The following SLC4A4 variants were observed in gnomAD, a reference collection of about 807,000 sequenced individuals.
SLC4A4 encodes electrogenic sodium bicarbonate cotransporter 1.
Under a neutral mutation model 111.5 loss-of-function variants are expected in SLC4A4, and 27 were observed. The observed-to-expected ratio is 0.24, with a 90% CI of 0.18 to 0.33. The LOEUF is 0.33. Ranked by LOEUF, SLC4A4 falls within the 10% of genes least tolerant of loss-of-function variation. The pLI is 1.00. For synonymous variants in SLC4A4, 443 were observed against 463.4 expected (o/e 0.96, Z 0.57); for missense variants, 909 against 1,315.5 (o/e 0.69, Z 4.78).
intron 1 of SLC4A4, among the ~76,000 whole-genome samples, chr4:71,192,517 C>T (rs1483626057): frequency 6.6e-6 from 1 of 152,022 alleles, no homozygotes; most frequent in Admixed American, 6.5e-5. Context: ...TGAAAAGTGC[C>T]TGAAAACAGC....
At position 71,260,133 on chromosome 4, in the gene SLC4A4, G is replaced by A. The variant is rs886557496; in HGVS notation, c.253+4734G>A. On this transcript the variant is annotated intron_variant, in intron 3 of 25. Transcript: ENST00000264485. The stretch of plus-strand genomic sequence containing the variant: ...TGTGAGCCTGGGACAATGGATGCTG[G>A]TTGGTGATCCAGTTATATTCAGGAA... Among the ~76,000 whole-genome samples the A allele has an allele frequency of 1.1e-4, 17 of 152,302 alleles. 1 individual carries two copies. Among genetic ancestry groups the A allele is most frequent in the Admixed American group, 9.8e-4 (15 of 15,304 alleles).
At chr4:71,540,979 C>G (rs929779083) in intron 18 of SLC4A4, among the ~76,000 whole-genome samples, 1 of 152,080 alleles carries the variant, frequency 6.6e-6, no homozygotes, top group African/African-American at 2.4e-5. Flanking sequence ...GCATTATTGA[C>G]AGTTGGAAAT....
At chr4:71,274,117 G>A (rs1035189755) in intron 3 of SLC4A4, among the ~76,000 whole-genome samples, 1 of 152,106 alleles carries the variant, frequency 6.6e-6, no homozygotes, top group Non-Finnish European at 1.5e-5. Context: ...CATTTTATAT[G>A]TGTATTATAT....
intron 6 of SLC4A4, among the ~76,000 whole-genome samples, chr4:71,384,140 A>G (rs997365535): frequency 6.6e-6 from 1 of 152,162 alleles, no homozygotes; most frequent in Non-Finnish European, 1.5e-5. Flanking sequence ...GAGTAACTCT[A>G]GGATCACTTG....
chr4:71,137,193 C>G (rs779332252), intron 2 of SLC4A4, among the ~76,000 whole-genome samples: 4 of 152,260 alleles, frequency 2.6e-5, no homozygotes, highest in Non-Finnish European at 5.9e-5. Context: ...GACATCTGCC[C>G]GCTGACTCCA....
intron 1 of SLC4A4, among the ~76,000 whole-genome samples, chr4:71,204,467 T>C (rs1279535332): frequency 6.6e-6 from 1 of 152,194 alleles, no homozygotes; most frequent in Non-Finnish European, 1.5e-5. Flanking sequence ...ACCAAGGATG[T>C]TGAGTACTTG....
intron 3 of SLC4A4, among the ~76,000 whole-genome samples, chr4:71,308,824 C>T (rs1725904952): frequency 6.6e-6 from 1 of 152,112 alleles, no homozygotes; most frequent in South Asian, 2.1e-4. Context: ...GTGTTTTTTT[C>T]GTACCCCAGT....
intron 7 of SLC4A4, among the ~76,000 whole-genome samples, chr4:71,429,129 A>G (rs1359037557): frequency 6.6e-6 from 1 of 152,140 alleles, no homozygotes; most frequent in Non-Finnish European, 1.5e-5. Flanking sequence ...TGCAGGTCTG[A>G]GAGCAATGGT....
At chr4:71,316,919 G>A (rs986386664) in intron 3 of SLC4A4, among the ~76,000 whole-genome samples, 1 of 151,988 alleles carries the variant, frequency 6.6e-6, no homozygotes, top group African/African-American at 2.4e-5. Flanking sequence ...ATAGAATCTT[G>A]CTGTATTTCT....
intron 1 of SLC4A4, among the ~76,000 whole-genome samples, chr4:71,088,007 T>C (rs1742242359): frequency 6.6e-6 from 1 of 152,042 alleles, no homozygotes; most frequent in Non-Finnish European, 1.5e-5. Context: ...CAGTGGGGTG[T>C]TAAAATCTCC....
chr4:71,379,366 T>G (rs1047703367), intron 6 of SLC4A4, among the ~76,000 whole-genome samples: 1 of 152,170 alleles, frequency 6.6e-6, no homozygotes, highest in African/African-American at 2.4e-5. Context: ...GATTTCTATA[T>G]ACTTAGATCC....
At position 71,257,780 on chromosome 4, in the gene SLC4A4, T is replaced by A. The variant is rs548136011; in HGVS notation, c.253+2381T>A. Among the ~76,000 whole-genome samples, 13 of 152,324 alleles carry A rather than the reference T, an allele frequency of 8.5e-5. No homozygotes were observed. The South Asian group carries it at 2.5e-3, about 29-fold the overall frequency. ...GCAGTGCGCGATGTGATGCTTATAC[T>A]TCTGAGAAAAACAAAAACCAAAAAG... On this transcript the variant is annotated intron_variant, in intron 3 of 25. Coordinates refer to ENST00000264485, the MANE Select transcript of SLC4A4 (RefSeq NM_001098484.3).
intron 2 of SLC4A4, among the ~76,000 whole-genome samples, chr4:71,124,600 T>C (rs959421343): frequency 2.6e-5 from 4 of 152,240 alleles, no homozygotes; most frequent in African/African-American, 7.2e-5. Flanking sequence ...ATCACCTCTT[T>C]AAAAATTATT....
intron 3 of SLC4A4, among the ~76,000 whole-genome samples, chr4:71,313,417 GA>G (rs1035673941): frequency 6.6e-6 from 1 of 151,990 alleles, no homozygotes; most frequent in Non-Finnish European, 1.5e-5. Context: ...CACAGAATTA[GA>G]AAAAAACTAC....
At chr4:71,148,317 G>A (rs1385952511) in intron 2 of SLC4A4, among the ~76,000 whole-genome samples, 1 of 152,040 alleles carries the variant, frequency 6.6e-6, no homozygotes, top group African/African-American at 2.4e-5. Context: ...AGCTCTTCTG[G>A]GACCTTGTGA....
chr4:71,293,776 A>G (rs578026151), intron 3 of SLC4A4, among the ~76,000 whole-genome samples: 1 of 152,266 alleles, frequency 6.6e-6, no homozygotes, highest in South Asian at 2.1e-4. Context: ...TAAGTTTGGG[A>G]TAACTATTTT....
intron 11 of SLC4A4, 147 bp downstream of exon 11, chr4:71,451,448 A>T: frequency 1.4e-6 from 1 of 709,788 alleles, no homozygotes; most frequent in South Asian, 1.5e-5. Flanking sequence ...GGCACTGGGA[A>T]TATAGCAGTG....
At chr4:71,299,426 G>A (rs1412903555) in intron 3 of SLC4A4, among the ~76,000 whole-genome samples, 1 of 150,384 alleles carries the variant, frequency 6.6e-6, no homozygotes, top group Non-Finnish European at 1.5e-5. Flanking sequence ...TCTGTGTAGA[G>A]CTTCCCCAGG....
At chr4:71,226,858 A>C (rs1210335502) in intron 1 of SLC4A4, among the ~76,000 whole-genome samples, 2 of 152,070 alleles carry the variant, frequency 1.3e-5, no homozygotes, top group Non-Finnish European at 2.9e-5. Flanking sequence ...CAATTGATTA[A>C]TTGATTCATT....
Sources: gnomAD v4.1 joint callset for allele counts (sites outside exome capture counted in the v4.1 genomes callset) on GRCh38, gnomAD v4.1.1 for gene constraint, MANE v1.5 for transcripts, NCBI Gene and HGNC (gene_info 2026-07-23, HGNC 2026-07-21) for gene names.